LRIG1: variants seen among roughly 807,000 people sequenced by gnomAD.
LRIG1 encodes leucine rich repeats and immunoglobulin like domains 1.
Under a neutral mutation model 99.2 loss-of-function variants are expected in LRIG1, and 48 were observed. The ratio of observed to expected loss-of-function variants is 0.48; its 90% confidence interval spans 0.38 to 0.62. LRIG1 has a LOEUF of 0.62. Ranked by LOEUF, LRIG1 falls within the 20% of genes least tolerant of loss-of-function variation. The pLI, the probability that LRIG1 is intolerant of heterozygous loss-of-function variation, is 0.00. For synonymous variants in LRIG1, 772 were observed against 596.1 expected (o/e 1.29, Z -4.30); for missense variants, 1,646 against 1,434.4 (o/e 1.15, Z -2.38).
intron 1 of LRIG1, among the ~76,000 whole-genome samples, chr3:66,471,592 G>T (rs1700597039): frequency 6.6e-6 from 1 of 152,216 alleles, no homozygotes. Context: ...GCATGGCGGG[G>T]ATGAAGGGCG....
intron 3 of LRIG1, among the ~76,000 whole-genome samples, chr3:66,427,643 A>AT (rs1169344822): frequency 2.6e-5 from 4 of 152,120 alleles, no homozygotes; most frequent in African/African-American, 7.2e-5. Context: ...TCTTAAAAAA[A>AT]TTTTTTTTAA....
intron 1 of LRIG1, among the ~76,000 whole-genome samples, chr3:66,486,108 G>A (rs1196293219): frequency 6.6e-6 from 1 of 152,134 alleles, no homozygotes; most frequent in East Asian, 1.9e-4. Flanking sequence ...GAGTTAAGAT[G>A]GTGATGATCA....
At chr3:66,476,837 G>C (rs1700732956) in intron 1 of LRIG1, among the ~76,000 whole-genome samples, 1 of 152,166 alleles carries the variant, frequency 6.6e-6, no homozygotes. Context: ...ATCCTCATGA[G>C]GACTCTGGAT....
At chr3:66,441,032 CCTG>C (rs1240750451) in intron 3 of LRIG1, among the ~76,000 whole-genome samples, 4 of 152,082 alleles carry the variant, frequency 2.6e-5, no homozygotes, top group East Asian at 1.9e-4. Context: ...GAAAAGGAGC[CCTG>C]CTATTTACAA....
At chr3:66,497,164 C>T (rs1409383293) in intron 1 of LRIG1, among the ~76,000 whole-genome samples, 1 of 152,218 alleles carries the variant, frequency 6.6e-6, no homozygotes, top group African/African-American at 2.4e-5. Flanking sequence ...GAACAAAAAT[C>T]AGGGTTTGTT....
chr3:66,383,072 C>G lies in LRIG1; in HGVS notation c.2401G>C (p.Val801Leu). 1 of 1,614,214 alleles carries G rather than the reference C, an allele frequency of 6.2e-7. No individual in the cohort carries two copies. The highest frequency in any genetic ancestry group is 8.5e-7 in the Non-Finnish European group (1 of 1,180,030). The change falls in exon 15 of 19, where the codon GTG becomes CTG. Residue 801 changes from valine (V) to leucine (L), a missense_variant. Transcript: ENST00000273261. Reference sequence around the variant, plus strand: ...AGTGACGTCAGGACGATGCTGCTCACGACAGCAATGGTGAAGATGCCTACC... The same window carrying G: ...AGTGACGTCAGGACGATGCTGCTCAGGACAGCAATGGTGAAGATGCCTACC... ...TTVGIFTIAV[V>L]SSIVLTSLVW...
intron 15 of LRIG1, 129 bp from the exon 16 acceptor site, chr3:66,382,527 T>TG (rs1225898849): frequency 9.3e-7 from 1 of 1,072,520 alleles, no homozygotes; most frequent in East Asian, 2.4e-5. Flanking sequence ...AGAGATGACA[T>TG]GGAGTCCATG....
chr3:66,460,954 C>A (rs1700342239), intron 2 of LRIG1, among the ~76,000 whole-genome samples: 1 of 152,168 alleles, frequency 6.6e-6, no homozygotes, highest in South Asian at 2.1e-4. Context: ...AAGTATTTTG[C>A]AAATTGTACC....
intron 4 of LRIG1, 65 bp downstream of exon 4, chr3:66,417,064 C>T (rs1381375344): frequency 5.7e-6 from 9 of 1,587,168 alleles, no homozygotes; most frequent in African/African-American, 4.0e-5. Context: ...AACTGGGTGC[C>T]GGTGAAGCTG....
chr3:66,478,356 T>A (rs1262497018), intron 1 of LRIG1, among the ~76,000 whole-genome samples: 1 of 152,138 alleles, frequency 6.6e-6, no homozygotes, highest in East Asian at 1.9e-4. Context: ...TCTCGACAGG[T>A]GTGCGCAGGC....
In LRIG1 at chr3:66,500,813, G is replaced by C. The variant is rs1440180554; in HGVS notation, c.-406C>G. 6.5e-6 allele frequency: 1 copy of C among 154,576 alleles called. No individual in the cohort carries two copies. The highest frequency in any genetic ancestry group is 1.4e-5 in the Non-Finnish European group (1 of 69,942). 9.6% of individuals were successfully genotyped at this position (154,576 alleles called of 1,614,324 possible). A position where few individuals can be genotyped will look rare whatever the true frequency, so the allele number is the denominator to read the frequency against. ...GCCCCGCAGCCCGAGCTCGGTGCCG[G>C]CAGGCATCTTCCTCTGGGCTCGGAG... On this transcript the variant is annotated 5_prime_UTR_variant, in exon 1 of 19. Transcript: ENST00000273261.
intron 1 of LRIG1, among the ~76,000 whole-genome samples, chr3:66,470,151 C>A (rs992198131): frequency 2.0e-5 from 3 of 152,154 alleles, no homozygotes; most frequent in Non-Finnish European, 4.4e-5. Flanking sequence ...CTAACAGAAA[C>A]AATCAACTAC....
At chr3:66,386,387 C>T (rs1006405493) in intron 12 of LRIG1, 86 bp from the exon 13 acceptor site, 6 of 1,160,012 alleles carry the variant, frequency 5.2e-6, no homozygotes, top group South Asian at 4.3e-5. Context: ...GAAACTGACA[C>T]AGACACCAAG....
intron 1 of LRIG1, among the ~76,000 whole-genome samples, chr3:66,476,044 G>A (rs1486531718): frequency 1.3e-5 from 2 of 152,168 alleles, no homozygotes; most frequent in African/African-American, 2.4e-5. Flanking sequence ...CCTGCAGCCT[G>A]GGAATAAAGC....
intron 11 of LRIG1, among the ~76,000 whole-genome samples, chr3:66,397,127 G>C (rs1283797661): frequency 6.6e-6 from 1 of 152,200 alleles, no homozygotes; most frequent in Non-Finnish European, 1.5e-5. Context: ...TATTCAGCAG[G>C]CCTGAGGCTC....
intron 1 of LRIG1, among the ~76,000 whole-genome samples, chr3:66,484,571 G>A (rs1399445312): frequency 6.6e-6 from 1 of 152,186 alleles, no homozygotes; most frequent in Non-Finnish European, 1.5e-5. Flanking sequence ...TCTCCAGACA[G>A]AGGAAATGGT....
chr3:66,404,176 A>G (rs1409111851), intron 9 of LRIG1: 12 of 1,193,866 alleles, frequency 1.0e-5, no homozygotes, highest in Non-Finnish European at 1.3e-5. Flanking sequence ...AAAGGTGCAA[A>G]AAGCCACGCT....
At chr3:66,451,519 C>G in intron 3 of LRIG1, 40 bp downstream of exon 3, 1 of 1,582,366 alleles carries the variant, frequency 6.3e-7, no homozygotes, top group Non-Finnish European at 8.7e-7. Context: ...CACCATGGCC[C>G]CACCACACAG....
intron 1 of LRIG1, among the ~76,000 whole-genome samples, chr3:66,466,757 C>T (rs1700481545): frequency 6.6e-6 from 1 of 152,212 alleles, no homozygotes; most frequent in South Asian, 2.1e-4. Flanking sequence ...GGCCTGACAT[C>T]TGAATGTGTC....
Sources: gnomAD v4.1 joint callset for allele counts (sites outside exome capture counted in the v4.1 genomes callset) on GRCh38, gnomAD v4.1.1 for gene constraint, MANE v1.5 for transcripts, NCBI Gene and HGNC (gene_info 2026-07-23, HGNC 2026-07-21) for gene names.